DIS3L: variants seen among roughly 807,000 people sequenced by gnomAD.
The protein encoded by DIS3L is DIS3 like exosome 3'-5' exoribonuclease.
DIS3L carries 100 observed loss-of-function variants against 120.3 expected under a neutral mutation model. The observed-to-expected ratio is 0.83, with a 90% CI of 0.71 to 0.98. The LOEUF is 0.98. DIS3L is among the 50% of genes least tolerant of loss of function. The pLI, the probability that DIS3L is intolerant of heterozygous loss-of-function variation, is 0.00. For missense variants in DIS3L, 1,196 were observed against 1,314.2 expected (o/e 0.91, Z 1.39); for synonymous variants, 426 against 470.6 (o/e 0.91, Z 1.23).
At chr15:66,305,573 G>C (rs967271604) in intron 2 of DIS3L, among the ~76,000 whole-genome samples, 2 of 152,062 alleles carry the variant, frequency 1.3e-5, no homozygotes, top group African/African-American at 4.8e-5. Context: ...TCCTCAGGCT[G>C]GAGTTCAGTG....
intron 15 of DIS3L, among the ~76,000 whole-genome samples, chr15:66,332,473 AGTGAAGACTGGAGTGT>A (rs1403820314): frequency 1.6e-5 from 2 of 123,246 alleles, no homozygotes; most frequent in African/African-American, 2.8e-5. Flanking sequence ...AAAAAAAAAA[AGTGAAGACTGGAGTGT>A]GTGTGTGTGT....
rs146760350 is a variant in DIS3L, at chr15:66,316,775, A to G, written c.994+1560A>G. ...GGTTGCAGTGAGCCAAGATCATGCT[A>G]CTACACTCCAGCCTGGGCAAGAGAG... On this transcript the variant is annotated intron_variant, in intron 7 of 16. Coordinates refer to ENST00000319212, the MANE Select transcript of DIS3L (RefSeq NM_001143688.3). Among the ~76,000 whole-genome samples, 766 of 152,278 alleles carry G rather than the reference A, an allele frequency of 5.0e-3. 6 individuals carry two copies. The highest frequency in any genetic ancestry group is 0.018 in the African/African-American group (734 of 41,538).
rs138804635 is a variant in DIS3L, at chr15:66,326,133, G to A, written c.1970G>A (p.Cys657Tyr). 35 of 1,614,206 alleles carry A rather than the reference G, an allele frequency of 2.2e-5. No homozygotes were observed. The African/African-American group carries it at 3.5e-4, about 16-fold the overall frequency. The change falls in exon 12 of 17, where the codon TGC (cysteine) becomes TAC (tyrosine). Residue 657 changes from cysteine (C) to tyrosine (Y), a missense_variant. Transcript: ENST00000319212. ...GALELEGVEV[C>Y]VQLDDKKNIH... ...CTGGAACTGGAAGGGGTAGAGGTTTGCGTACAGCTAGATGACAAAAAGAAC... is the reference window on the plus strand; with the variant it reads ...CTGGAACTGGAAGGGGTAGAGGTTTACGTACAGCTAGATGACAAAAAGAAC...
chr15:66,305,157 C>T (rs2092691775), intron 2 of DIS3L, among the ~76,000 whole-genome samples: 1 of 151,136 alleles, frequency 6.6e-6, no homozygotes, highest in African/African-American at 2.4e-5. Context: ...CCCACCACCA[C>T]GCCCGGCTAA....
chr15:66,329,521 C>T, intron 14 of DIS3L, 122 bp downstream of exon 14: 1 of 1,355,372 alleles, frequency 7.4e-7, no homozygotes, highest in South Asian at 1.9e-5. Flanking sequence ...TTATTCTAAC[C>T]AGTGCTTTCA....
rs2093030038 is a variant in DIS3L at position 66,333,860 on chromosome 15, C to T, written c.*548C>T. 1 of 151,990 alleles carries T rather than the reference C, an allele frequency of 6.6e-6. No individual in the cohort carries two copies. The highest frequency in any genetic ancestry group is 2.4e-5 in the African/African-American group (1 of 41,376). The allele number at this position is 151,990 out of a possible 1,614,324, so 9.4% of individuals were successfully genotyped here. Reference sequence around the variant, plus strand: ...GTAAGTGGTGGCTCTGCAGATGGCCCCTTTCTAATAAGTTTAATAAACCCG... The same window carrying T: ...GTAAGTGGTGGCTCTGCAGATGGCCTCTTTCTAATAAGTTTAATAAACCCG... On this transcript the variant is annotated 3_prime_UTR_variant, in exon 17 of 17. Transcript: ENST00000319212.
chr15:66,309,102 T>TATATATAC (rs2092734917), intron 4 of DIS3L, among the ~76,000 whole-genome samples: 1 of 11,748 alleles, frequency 8.5e-5, no homozygotes, highest in Non-Finnish European at 1.9e-4. Flanking sequence ...AAAATATATA[T>TATATATAC]ATCTCCAAGC....
chr15:66,305,695 T>C (rs934215944), intron 2 of DIS3L, among the ~76,000 whole-genome samples: 4 of 151,854 alleles, frequency 2.6e-5, no homozygotes, highest in African/African-American at 9.7e-5. Context: ...CAGCTAATTT[T>C]TGTATTTTTA....
intron 7 of DIS3L, 123 bp from the exon 8 acceptor site, chr15:66,318,326 A>C: frequency 9.1e-7 from 1 of 1,100,684 alleles, no homozygotes; most frequent in Non-Finnish European, 1.3e-6. Flanking sequence ...AGTTGGGTGG[A>C]TGTGCTTGAA....
chr15:66,329,025 A>G lies in DIS3L; in HGVS notation c.2257A>G (p.Ile753Val), dbSNP rs774369695. The change falls in exon 13 of 17, where the codon ATT becomes GTT. Residue 753 changes from isoleucine to valine, a missense_variant. Physicochemically the swap from Ile to Val is conservative, Grantham distance 29 (BLOSUM62 3). Coordinates refer to ENST00000319212, the MANE Select transcript of DIS3L (RefSeq NM_001143688.3). ...LDNANDPHDP[I>V]VNRLLRSMAT... ...TAATGCGAACGACCCCCACGATCCC[A>G]TTGTGAACAGGCTACTGCGCTCCAT... The G allele has an allele frequency of 2.5e-6, 4 of 1,614,204 alleles. No individual in the cohort carries two copies. The highest frequency in any genetic ancestry group is 8.5e-7 in the Non-Finnish European group (1 of 1,180,038).
intron 2 of DIS3L, among the ~76,000 whole-genome samples, chr15:66,302,141 T>C (rs970000325): frequency 2.0e-5 from 3 of 152,180 alleles, no homozygotes; most frequent in South Asian, 2.1e-4. Context: ...GGCAAGAAGA[T>C]AGCTTGAGCT....
intron 2 of DIS3L, among the ~76,000 whole-genome samples, chr15:66,304,093 A>G (rs1383679972): frequency 8.6e-4 from 101 of 118,110 alleles, no homozygotes; most frequent in Non-Finnish European, 1.6e-3. Context: ...CTGTTTCAAA[A>G]AAAAAAAAAA....
intron 11 of DIS3L, 72 bp from the exon 12 acceptor site, chr15:66,325,759 T>G: frequency 6.6e-7 from 1 of 1,509,662 alleles, no homozygotes; most frequent in East Asian, 2.3e-5. Flanking sequence ...AGATCCTGTC[T>G]CAAAAAAACA....
rs1206206919 is a variant in DIS3L at position 66,294,047 on chromosome 15, G to A, written c.139+312G>A. ...CTCAGAGGGGCCTGAGGGCGCGGAA[G>A]CCGAGGCCTCCTCCCGCCGCAACCT... On this transcript the variant is annotated intron_variant, in intron 1 of 16. Coordinates refer to ENST00000319212, the MANE Select transcript of DIS3L (RefSeq NM_001143688.3). 1.6e-5 allele frequency: 16 copies of A among 986,974 alleles called. No individual in the cohort carries two copies. The South Asian group carries it at 6.1e-4, about 38-fold the overall frequency. 61.1% of individuals were successfully genotyped at this position (986,974 alleles called of 1,614,324 possible).
At chr15:66,305,004 T>C (rs997194250) in intron 2 of DIS3L, among the ~76,000 whole-genome samples, 1 of 142,800 alleles carries the variant, frequency 7.0e-6, no homozygotes, top group African/African-American at 2.6e-5. Context: ...ATTTCTTTTT[T>C]TTTTTTTTTT....
At chr15:66,295,506 C>T (rs1267955910) in intron 2 of DIS3L, among the ~76,000 whole-genome samples, 4 of 152,190 alleles carry the variant, frequency 2.6e-5, no homozygotes, top group African/African-American at 4.8e-5. Flanking sequence ...CAGAAGCATA[C>T]GTTCTTTTCT....
At chr15:66,307,136 T>C (rs897065764) in intron 3 of DIS3L, among the ~76,000 whole-genome samples, 184 bp downstream of exon 3, 1 of 152,220 alleles carries the variant, frequency 6.6e-6, no homozygotes, top group African/African-American at 2.4e-5. Context: ...ATATAACTGA[T>C]ACATTTTTTA....
chr15:66,314,573 A>G (rs539131735), intron 6 of DIS3L, among the ~76,000 whole-genome samples: 2 of 152,318 alleles, frequency 1.3e-5, no homozygotes, highest in South Asian at 4.1e-4. Flanking sequence ...TGCTAGTCAA[A>G]GGAGCATGGC....
Position 66,300,092 on chromosome 15 carries a change from A to G in DIS3L, c.293+4951A>G, listed in dbSNP as rs118097317. On this transcript the variant is annotated intron_variant, in intron 2 of 16. Transcript: ENST00000319212. Reference sequence around the variant, plus strand: ...AATAAAAATGAAAACATCATACACAAATGTTCATGGCAGCTTTCTTCATCA... The same window carrying G: ...AATAAAAATGAAAACATCATACACAGATGTTCATGGCAGCTTTCTTCATCA... Among the ~76,000 whole-genome samples the G allele has an allele frequency of 2.7e-4, 41 of 152,286 alleles. No homozygotes were observed. In the East Asian group the frequency reaches 7.5e-3, roughly 28 times the overall value.
Sources: allele counts gnomAD v4.1 joint callset (sites outside exome capture counted in the v4.1 genomes callset), GRCh38; gene constraint gnomAD v4.1.1; transcripts MANE v1.5; gene names NCBI Gene and HGNC (gene_info 2026-07-23, HGNC 2026-07-21).